Variants in FHIP1B observed in about 807,000 individuals in gnomAD.
FHIP1B encodes the protein FHF complex subunit HOOK-interacting protein 1B.
Under a neutral mutation model 82.2 loss-of-function variants are expected in FHIP1B, and 28 were observed. The ratio of observed to expected loss-of-function variants is 0.34; its 90% CI spans 0.25 to 0.47. The LOEUF is 0.47. Among genes scored for constraint, FHIP1B ranks in the 20% least tolerant of loss-of-function variants. The probability of loss-of-function intolerance (pLI) is 1.00; values close to 1 mark genes in which losing one functional copy is unlikely to be tolerated. For missense variants in FHIP1B, 1,110 were observed against 1,262.6 expected, an observed-to-expected ratio of 0.88 and a Z score of 1.83; for synonymous variants, 585 against 516.1, an observed-to-expected ratio of 1.13 and a Z score of -1.81.
At chr11:6,216,154 C>A (rs1283080122) in intron 9 of FHIP1B, among the ~76,000 whole-genome samples, 3 of 152,206 alleles carry the variant, frequency 2.0e-5, no homozygotes, top group African/African-American at 7.2e-5. Context: ...CTGAAAGGAA[C>A]AGAGCAGAGG....
chr11:6,219,128 A>C (rs73392995), intron 6 of FHIP1B, 78 bp from the exon 7 acceptor site: 66,138 of 1,220,146 alleles, frequency 0.054, 3,261 homozygotes, highest in African/African-American at 0.24. Context: ...CGGGAACCCC[A>C]CCAGCCCCAA....
chr11:6,216,965 T>C (rs1225679999), intron 9 of FHIP1B: 2 of 643,122 alleles, frequency 3.1e-6, no homozygotes, highest in African/African-American at 1.8e-5. Flanking sequence ...CGGAATGGCA[T>C]AGAGAGTGTT....
chr11:6,220,130 T>C (rs1234028254), intron 6 of FHIP1B, among the ~76,000 whole-genome samples: 1 of 152,138 alleles, frequency 6.6e-6, no homozygotes, highest in Non-Finnish European at 1.5e-5. Flanking sequence ...GTATCCTAGA[T>C]GAGATTATCC....
intron 10 of FHIP1B, 26 bp from the exon 11 acceptor site, chr11:6,214,599 T>C (rs369880329): frequency 6.3e-7 from 1 of 1,597,408 alleles, no homozygotes; most frequent in Non-Finnish European, 8.5e-7. Context: ...TCGTGACATT[T>C]CTGAGCAGCT....
chr11:6,227,960 A>G (rs1305487109), intron 1 of FHIP1B, among the ~76,000 whole-genome samples: 1 of 152,254 alleles, frequency 6.6e-6, no homozygotes, highest in Non-Finnish European at 1.5e-5. Context: ...GGTGCAATCA[A>G]GTTTTTTACA....
Position 6,223,896 on chromosome 11 carries a change from C to A in FHIP1B, c.491G>T (p.Arg164Leu), listed in dbSNP as rs1258351667. 1 of 1,614,156 alleles carries A rather than the reference C, an allele frequency of 6.2e-7. No homozygotes were observed. Among genetic ancestry groups the A allele is most frequent in the Non-Finnish European group, 8.5e-7 (1 of 1,180,002 alleles). ...ALLTLLDACG[R>L]PVPSSPALDE... Reference sequence around the variant, plus strand: ...CAGTGCTGGGCTACTGGGCACAGGGCGGCCACAGGCATCCAGCAGGGTGAG... The same window carrying A: ...CAGTGCTGGGCTACTGGGCACAGGGAGGCCACAGGCATCCAGCAGGGTGAG... Residue 164 changes from arginine (R) to leucine (L), a missense_variant, in exon 3 of 12, where the codon CGC becomes CTC. By Grantham distance (102) the Arg-to-Leu change is moderately radical. This residue lies in a region of FHIP1B where 467 missense variants were observed against 602.9 expected (regional missense o/e 0.77). Coordinates refer to ENST00000449352, the MANE Select transcript of FHIP1B (RefSeq NM_001098794.2). The surrounding 1 kb of genome is among the most constrained non-coding windows in gnomAD (Gnocchi z 4.8).
intron 1 of FHIP1B, among the ~76,000 whole-genome samples, chr11:6,226,633 C>T (rs142756854): frequency 9.1e-4 from 139 of 152,210 alleles, no homozygotes; most frequent in African/African-American, 3.1e-3. Flanking sequence ...TGAAAGAACA[C>T]GAAAAATTCA....
intron 8 of FHIP1B, 75 bp downstream of exon 8, chr11:6,218,525 C>A: frequency 6.3e-7 from 1 of 1,598,134 alleles, no homozygotes. Context: ...CCCAGCCCCT[C>A]CTTGCTACGC....
At chr11:6,231,548 G>A (rs1847699685) in intron 1 of FHIP1B, among the ~76,000 whole-genome samples, 1 of 143,438 alleles carries the variant, frequency 7.0e-6, no homozygotes, top group Non-Finnish European at 1.5e-5. Context: ...TCATCTCACT[G>A]CAACCTCTGC....
chr11:6,214,124 C>A (rs765877910), intron 11 of FHIP1B, among the ~76,000 whole-genome samples: 2 of 147,188 alleles, frequency 1.4e-5, no homozygotes, highest in Non-Finnish European at 3.0e-5. Context: ...TGTCAAATGT[C>A]ATGTCCTTTA....
At position 6,211,434 on chromosome 11, in the gene FHIP1B, A is replaced by G. The variant is rs1847068340; in HGVS notation, c.*72T>C. On this transcript the variant is annotated 3_prime_UTR_variant, in exon 12 of 12. Coordinates refer to ENST00000449352, the MANE Select transcript of FHIP1B (RefSeq NM_001098794.2). ...AAAAAGTCCTTTTGCCACTGCCTCC[A>G]AACATAAAAAGGAGCCTGTGCCCTA... 3.3e-6 allele frequency: 5 copies of G among 1,499,328 alleles called. No individual in the cohort carries two copies. The African/African-American group carries it at 5.6e-5, about 17-fold the overall frequency. 92.9% of individuals were successfully genotyped at this position (1,499,328 alleles called of 1,614,324 possible).
intron 1 of FHIP1B, among the ~76,000 whole-genome samples, chr11:6,233,947 T>C (rs2133861719): frequency 6.6e-6 from 1 of 152,314 alleles, no homozygotes; most frequent in Admixed American, 6.5e-5. Flanking sequence ...ACCATAGTAC[T>C]ATTGCCTATG....
At position 6,211,886 on chromosome 11, in the gene FHIP1B, A is replaced by C; in HGVS notation, c.2558-19T>G. 1.3e-6 allele frequency: 2 copies of C among 1,532,060 alleles called. No individual in the cohort carries two copies. The highest frequency in any genetic ancestry group is 1.7e-6 in the Non-Finnish European group (2 of 1,145,362). The allele number at this position is 1,532,060 out of a possible 1,614,324, so 94.9% of individuals were successfully genotyped here. A position where few individuals can be genotyped will look rare whatever the true frequency, so the allele number is the denominator to read the frequency against. On this transcript the variant is annotated intron_variant, in intron 11 of 11. Coordinates refer to ENST00000449352, the MANE Select transcript of FHIP1B (RefSeq NM_001098794.2). Reference sequence around the variant, plus strand: ...CTCTTCACTGGGAATAAACAGGGGTATCATGAAGGTGCTGGGATCAGGGAA... The same window carrying C: ...CTCTTCACTGGGAATAAACAGGGGTCTCATGAAGGTGCTGGGATCAGGGAA...
intron 8 of FHIP1B, 123 bp from the exon 9 acceptor site, chr11:6,218,273 G>GC: frequency 7.4e-7 from 1 of 1,353,108 alleles, no homozygotes; most frequent in Middle Eastern, 2.2e-4. Flanking sequence ...TATTCAGACA[G>GC]CTAACTCTCC....
At position 6,222,716 on chromosome 11, in the gene FHIP1B, G is replaced by A. The variant is rs1451622027; in HGVS notation, c.1023+95C>T. Reference sequence around the variant, plus strand: ...TCAGGAGCAGACAGGGCAAAAGGGAGGAGTACTCTACCCACCGCCTCCTAC... The same window carrying A: ...TCAGGAGCAGACAGGGCAAAAGGGAAGAGTACTCTACCCACCGCCTCCTAC... On this transcript the variant is annotated intron_variant, in intron 5 of 11. Transcript: ENST00000449352. The A allele has an allele frequency of 1.5e-5, 24 of 1,551,390 alleles. No individual in the cohort carries two copies. The South Asian group carries it at 2.1e-4, about 14-fold the overall frequency.
chr11:6,234,171 T>C (rs1356064196), intron 1 of FHIP1B, among the ~76,000 whole-genome samples: 1 of 151,778 alleles, frequency 6.6e-6, no homozygotes, highest in East Asian at 1.9e-4. Flanking sequence ...CGCCTTCAAC[T>C]CCCTCACCAA....
At chr11:6,231,294 T>C (rs574201783) in intron 1 of FHIP1B, among the ~76,000 whole-genome samples, 15 of 151,942 alleles carry the variant, frequency 9.9e-5, no homozygotes, top group African/African-American at 3.1e-4. Context: ...TGGAGTGAGA[T>C]AGGGGATATG....
At chr11:6,215,020 T>A (rs1847187224) in intron 9 of FHIP1B, 109 bp from the exon 10 acceptor site, 1 of 1,088,254 alleles carries the variant, frequency 9.2e-7, no homozygotes, top group South Asian at 2.0e-5. Flanking sequence ...AGTATTTGTA[T>A]GTCAGCCTCT....
Position 6,223,805 on chromosome 11 carries a change from G to A in FHIP1B, c.582C>T (p.Leu194=), listed in dbSNP as rs767384649. 23 of 1,614,052 alleles carry A rather than the reference G, an allele frequency of 1.4e-5. No individual in the cohort carries two copies. The highest frequency in any genetic ancestry group is 1.1e-4 in the East Asian group (5 of 44,896). ...CAGGAGGTGGCTGCAGGAAGAACTC[G>A]AGCAATGAAGGCTCCTGGGCCACAC... ...CVCVAQEPSL[L]EFFLQPPPEP... is the part of the protein sequence containing the mutation. The change falls in exon 3 of 12, where the codon CTC becomes CTT. Residue 194 remains leucine (L), a synonymous_variant. Coordinates refer to ENST00000449352, the MANE Select transcript of FHIP1B (RefSeq NM_001098794.2). This position sits in a 1 kb window ranked among gnomAD's most constrained non-coding sequence, Gnocchi z 4.8.
Sources: allele counts gnomAD v4.1 joint callset (sites outside exome capture counted in the v4.1 genomes callset), GRCh38; gene constraint gnomAD v4.1.1; regional missense constraint gnomAD v4.1.1; non-coding constraint Gnocchi (gnomAD v3.1); transcripts MANE v1.5; gene names NCBI Gene and HGNC (gene_info 2026-07-23, HGNC 2026-07-21).